PDE4D: variants seen among roughly 807,000 people sequenced by gnomAD.
The protein encoded by PDE4D is phosphodiesterase 4D, also known as 3',5'-cyclic-AMP phosphodiesterase 4D.
Under a neutral mutation model 87.4 loss-of-function variants are expected in PDE4D, and 24 were observed. That is an observed-to-expected ratio of 0.27 (90% CI 0.20 to 0.39). PDE4D has a LOEUF of 0.39. Among genes scored for constraint, PDE4D ranks in the 10% least tolerant of loss-of-function variants. The pLI is 1.00. For missense variants in PDE4D, 714 were observed against 1,041.0 expected (o/e 0.69, Z 4.32); for synonymous variants, 384 against 383.2 (o/e 1.00, Z -0.02).
intron 5 of PDE4D, among the ~76,000 whole-genome samples, chr5:59,160,103 G>C (rs191043092): frequency 6.6e-6 from 1 of 152,294 alleles, no homozygotes; most frequent in Non-Finnish European, 1.5e-5. Context: ...ACACCTTTCA[G>C]AGATTTTCAT....
At chr5:59,960,867 T>A (rs1410757277) in intron 3 of PDE4D, among the ~76,000 whole-genome samples, 2 of 152,120 alleles carry the variant, frequency 1.3e-5, no homozygotes, top group African/African-American at 4.8e-5. Flanking sequence ...ATAAAAAATT[T>A]AAAAAATTAA....
intron 1 of PDE4D, among the ~76,000 whole-genome samples, chr5:59,534,896 C>T (rs867738537): frequency 2.0e-5 from 3 of 152,204 alleles, no homozygotes; most frequent in African/African-American, 4.8e-5. Flanking sequence ...ATGTGAGAAA[C>T]CTTTGGGCCA....
At chr5:60,476,914 T>C (rs1045843006) in intron 1 of PDE4D, among the ~76,000 whole-genome samples, 1 of 152,236 alleles carries the variant, frequency 6.6e-6, no homozygotes, top group Non-Finnish European at 1.5e-5. Context: ...CATTAGATTA[T>C]AAACTCTAGG....
At chr5:60,012,548 G>A (rs1467616016) in intron 2 of PDE4D, among the ~76,000 whole-genome samples, 3 of 152,082 alleles carry the variant, frequency 2.0e-5, no homozygotes, top group African/African-American at 4.8e-5. Context: ...CGGCAATTCC[G>A]ATTTCCCTCT....
chr5:60,206,734 A>T (rs912298553), intron 1 of PDE4D, among the ~76,000 whole-genome samples: 1 of 152,228 alleles, frequency 6.6e-6, no homozygotes, highest in Non-Finnish European at 1.5e-5. Flanking sequence ...GTTTCTATTA[A>T]TAGCAGGACT....
At chr5:60,511,190 G>C (rs768176718) in intron 1 of PDE4D, among the ~76,000 whole-genome samples, 1 of 151,916 alleles carries the variant, frequency 6.6e-6, no homozygotes, top group Non-Finnish European at 1.5e-5. Context: ...CACTGGTCTC[G>C]AACTCCTGAC....
intron 1 of PDE4D, among the ~76,000 whole-genome samples, chr5:59,309,331 G>A (rs1018969679): frequency 6.6e-6 from 1 of 152,204 alleles, no homozygotes; most frequent in African/African-American, 2.4e-5. Flanking sequence ...TCCCTGTAGA[G>A]TTTTACCCCT....
At chr5:60,282,177 ATTAATCT>A (rs2149749708) in intron 1 of PDE4D, among the ~76,000 whole-genome samples, 1 of 148,690 alleles carries the variant, frequency 6.7e-6, no homozygotes, top group South Asian at 2.1e-4. Context: ...TGATACAGAA[ATTAATCT>A]TTAAAGAACA....
intron 1 of PDE4D, among the ~76,000 whole-genome samples, chr5:60,430,530 G>T (rs1561247521): frequency 2.0e-4 from 23 of 115,822 alleles, no homozygotes; most frequent in African/African-American, 9.6e-4. Context: ...TTTTGTTTGT[G>T]TTTTGTTTTT....
At chr5:60,379,102 T>C (rs547016303) in intron 1 of PDE4D, among the ~76,000 whole-genome samples, 1 of 152,132 alleles carries the variant, frequency 6.6e-6, no homozygotes, top group African/African-American at 2.4e-5. Context: ...TTAACTATTG[T>C]GTGCCTGCTA....
chr5:59,408,961 A>G (rs1288461425), intron 1 of PDE4D, among the ~76,000 whole-genome samples: 1 of 152,074 alleles, frequency 6.6e-6, no homozygotes, highest in Non-Finnish European at 1.5e-5. Context: ...AGCCTGGCCA[A>G]TGTGATGAAA....
intron 1 of PDE4D, among the ~76,000 whole-genome samples, chr5:59,401,848 A>T (rs1179936393): frequency 6.6e-6 from 1 of 152,130 alleles, no homozygotes; most frequent in East Asian, 1.9e-4. Flanking sequence ...TTTGTTTCTG[A>T]CACACCTGTC....
At chr5:59,398,500 T>C (rs1037407374) in intron 1 of PDE4D, among the ~76,000 whole-genome samples, 1 of 128,520 alleles carries the variant, frequency 7.8e-6, no homozygotes, top group Non-Finnish European at 1.7e-5. Context: ...TCTCAATAGA[T>C]GCAGAAAAGG....
chr5:60,026,289 C>T (rs751811298), intron 2 of PDE4D, among the ~76,000 whole-genome samples: 3 of 152,016 alleles, frequency 2.0e-5, no homozygotes, highest in African/African-American at 2.4e-5. Context: ...TCTTTTAGTC[C>T]ACCCAGACAA....
intron 1 of PDE4D, among the ~76,000 whole-genome samples, chr5:59,890,051 T>C (rs754655456): frequency 6.6e-6 from 1 of 152,220 alleles, no homozygotes; most frequent in African/African-American, 2.4e-5. Flanking sequence ...TCACAAACTG[T>C]TACAAATTCT....
At chr5:60,025,117 AT>A (rs1323401796) in intron 2 of PDE4D, among the ~76,000 whole-genome samples, 8 of 152,164 alleles carry the variant, frequency 5.3e-5, no homozygotes, top group African/African-American at 1.9e-4. Flanking sequence ...GATAAATTGG[AT>A]TTATACCAAT....
At chr5:59,176,836 T>C (rs972445716) in intron 5 of PDE4D, among the ~76,000 whole-genome samples, 3 of 152,194 alleles carry the variant, frequency 2.0e-5, no homozygotes, top group Non-Finnish European at 4.4e-5. Context: ...GTATCATCTC[T>C]ATCACAAAGC....
At chr5:59,325,736 T>A (rs1359815981) in intron 1 of PDE4D, among the ~76,000 whole-genome samples, 1 of 152,158 alleles carries the variant, frequency 6.6e-6, no homozygotes, top group East Asian at 1.9e-4. Context: ...GTAGAATTAT[T>A]TGAGCCAGTA....
At chr5:59,311,652 A>G (rs1404390750) in intron 1 of PDE4D, among the ~76,000 whole-genome samples, 1 of 152,092 alleles carries the variant, frequency 6.6e-6, no homozygotes, top group Non-Finnish European at 1.5e-5. Context: ...CATCCTTAAA[A>G]TCTGCGATAA....
Sources: gnomAD v4.1 joint callset for allele counts (sites outside exome capture counted in the v4.1 genomes callset) on GRCh38, gnomAD v4.1.1 for gene constraint, MANE v1.5 for transcripts, NCBI Gene and HGNC (gene_info 2026-07-23, HGNC 2026-07-21) for gene names.